The following TEX11 variants were observed in gnomAD, a reference collection of about 807,000 sequenced individuals.
TEX11 encodes the protein testis-expressed protein 11.
Under a neutral mutation model 84.4 loss-of-function variants are expected in TEX11, and 7 were observed. That is an observed-to-expected ratio of 0.08 (90% CI 0.05 to 0.16). TEX11 has a LOEUF of 0.16. Among genes scored for constraint, TEX11 ranks in the 10% least tolerant of loss-of-function variants. TEX11 has a pLI of 1.00. For missense variants in TEX11, 551 were observed against 660.5 expected, an observed-to-expected ratio of 0.83 and a Z score of 1.82; for synonymous variants, 264 against 222.8, an observed-to-expected ratio of 1.18 and a Z score of -1.64.
chrX:70,582,003 A>G (rs753761984), intron 25 of TEX11, among the ~76,000 whole-genome samples: 5 of 111,982 alleles, frequency 4.5e-5, no homozygotes, highest in Non-Finnish European at 9.4e-5. Flanking sequence ...TTCCGCATGT[A>G]TGTTGTAACT....
chrX:70,674,406 G>T (rs762403573), intron 15 of TEX11, among the ~76,000 whole-genome samples: 7 of 111,570 alleles, frequency 6.3e-5, no homozygotes, highest in Non-Finnish European at 1.3e-4. Context: ...ATTCCTCTGG[G>T]TATATATCCA....
chrX:70,670,267 ACTCTCAGACATC>A (rs2090010960), intron 16 of TEX11, 98 bp downstream of exon 16: 1 of 830,351 alleles, frequency 1.2e-6, no homozygotes, highest in Admixed American at 3.5e-5. Flanking sequence ...ATATGAGGGA[ACTCTCAGACATC>A]CTAAACTAAC....
At chrX:70,650,175 A>AT (rs1390585892) in intron 17 of TEX11, among the ~76,000 whole-genome samples, 3 of 110,703 alleles carry the variant, frequency 2.7e-5, no homozygotes, top group Non-Finnish European at 3.8e-5. Context: ...GCCCTGAGGT[A>AT]TTTTTTTTCT....
At chrX:70,745,208 G>C (rs1200194235) in intron 9 of TEX11, among the ~76,000 whole-genome samples, 2 of 109,707 alleles carry the variant, frequency 1.8e-5, no homozygotes, top group African/African-American at 6.6e-5. Flanking sequence ...TTGGGGAGCA[G>C]AGAAATTTGA....
At chrX:70,523,557 G>A in the TEX11 span, among the ~76,000 whole-genome samples, 4 of 110,517 alleles carry the variant, frequency 3.6e-5, no homozygotes, top group African/African-American at 9.9e-5. Context: ...TATGCCTCCC[G>A]GGTTCACACC....
intron 7 of TEX11, among the ~76,000 whole-genome samples, chrX:70,838,043 A>G (rs1264300589): frequency 5.3e-5 from 6 of 112,426 alleles, no homozygotes; most frequent in Non-Finnish European, 1.9e-5. Flanking sequence ...AAGCTGGGTG[A>G]AGGGTACACA....
At chrX:70,697,040 A>C (rs2090286803) in intron 13 of TEX11, among the ~76,000 whole-genome samples, 1 of 111,603 alleles carries the variant, frequency 9.0e-6, no homozygotes, top group African/African-American at 3.3e-5. Context: ...GTCAGCTCCT[A>C]GAGGCCACTT....
chrX:70,643,808 C>G (rs2089699369), intron 17 of TEX11, among the ~76,000 whole-genome samples: 1 of 109,306 alleles, frequency 9.1e-6, no homozygotes, highest in Non-Finnish European at 1.9e-5. Context: ...GACCTAAAAC[C>G]ATAAAAACCC....
chrX:70,624,740 G>C, intron 19 of TEX11, 99 bp downstream of exon 19: 2 of 625,276 alleles, frequency 3.2e-6, no homozygotes, highest in South Asian at 3.6e-5. Context: ...TTTTATGTAA[G>C]TTTCCTTGAT....
chrX:70,671,558 A>G lies in TEX11; in HGVS notation c.1243-1044T>C, dbSNP rs770131579. 2.7e-5 allele frequency among the ~76,000 whole-genome samples: 3 copies of G among 110,559 alleles called. No individual in the cohort carries two copies. In the South Asian group the frequency reaches 1.2e-3, roughly 43 times the overall value. ...AAGACTGGAAAATGAGAGGAAAGAAAAAGAATCAATAGAAGAATGGGAATT... is the reference window on the plus strand; with the variant it reads ...AAGACTGGAAAATGAGAGGAAAGAAGAAGAATCAATAGAAGAATGGGAATT... On this transcript the variant is annotated intron_variant, in intron 15 of 29. Coordinates refer to ENST00000374333, the MANE Select transcript of TEX11 (RefSeq NM_031276.3).
chrX:70,749,988 C>G (rs1210267148), intron 9 of TEX11, among the ~76,000 whole-genome samples: 1 of 110,421 alleles, frequency 9.1e-6, no homozygotes, highest in African/African-American at 3.3e-5. Flanking sequence ...AACAGGCAAC[C>G]TACAAAATGG....
chrX:70,639,422 T>C (rs1270431664), intron 17 of TEX11, among the ~76,000 whole-genome samples: 1 of 111,841 alleles, frequency 8.9e-6, no homozygotes, highest in Admixed American at 9.4e-5. Flanking sequence ...CCACCACAGC[T>C]CAAGGAGGCC....
chrX:70,857,556 G>T, intron 5 of TEX11: 1 of 259,826 alleles, frequency 3.8e-6, no homozygotes, highest in South Asian at 4.8e-5. Flanking sequence ...CTTAACTGTA[G>T]CTAAAGATTC....
chrX:70,687,805 C>T (rs1447550989), intron 13 of TEX11, among the ~76,000 whole-genome samples: 2 of 109,508 alleles, frequency 1.8e-5, no homozygotes, highest in Admixed American at 2.0e-4. Flanking sequence ...ATGATTATAC[C>T]ACTGCACTCC....
At chrX:70,893,245 T>C (rs1288512437) in intron 2 of TEX11, among the ~76,000 whole-genome samples, 2 of 111,619 alleles carry the variant, frequency 1.8e-5, no homozygotes, top group African/African-American at 6.5e-5. Flanking sequence ...CAACAGAATA[T>C]ACATTCTTCT....
chrX:70,596,587 G>A (rs758154082), intron 24 of TEX11, among the ~76,000 whole-genome samples: 2 of 110,321 alleles, frequency 1.8e-5, no homozygotes, highest in African/African-American at 6.6e-5. Flanking sequence ...ATTTTGAGAT[G>A]AATGAAAAAA....
chrX:70,784,787 T>C (rs1202122800), intron 9 of TEX11, among the ~76,000 whole-genome samples: 1 of 111,342 alleles, frequency 9.0e-6, no homozygotes, highest in African/African-American at 3.3e-5. Flanking sequence ...AAGGACCTCT[T>C]CAAGGAGAAC....
At chrX:70,756,542 A>T (rs1313714023) in intron 9 of TEX11, among the ~76,000 whole-genome samples, 2 of 112,231 alleles carry the variant, frequency 1.8e-5, no homozygotes, top group East Asian at 5.6e-4. Flanking sequence ...GACTGTTAGA[A>T]GGAAAACTAA....
intron 10 of TEX11, 61 bp downstream of exon 10, chrX:70,744,104 A>T (rs2098609585): frequency 2.7e-6 from 2 of 743,344 alleles, no homozygotes; most frequent in Middle Eastern, 8.9e-4. Context: ...TTATAATTTT[A>T]TAACAATAAA....
Sources: gnomAD v4.1 joint callset for allele counts (sites outside exome capture counted in the v4.1 genomes callset) on GRCh38, gnomAD v4.1.1 for gene constraint, MANE v1.5 for transcripts, NCBI Gene and HGNC (gene_info 2026-07-23, HGNC 2026-07-21) for gene names.